ARHGEF38: variants seen among roughly 807,000 people sequenced by gnomAD.
ARHGEF38 encodes Rho guanine nucleotide exchange factor 38.
A neutral mutation model predicts 79.9 loss-of-function variants in ARHGEF38; 79 were observed. The ratio of observed to expected loss-of-function variants is 0.99; its 90% CI spans 0.82 to 1.19. The LOEUF (loss-of-function observed/expected upper bound fraction) is 1.19. ARHGEF38 is among the 50% of genes most tolerant of loss of function. The probability of loss-of-function intolerance (pLI) is 0.00; values close to 1 mark genes in which losing one functional copy is unlikely to be tolerated. For synonymous variants in ARHGEF38, 366 were observed against 328.3 expected, an observed-to-expected ratio of 1.11 and a Z score of -1.24; for missense variants, 962 against 907.2, an observed-to-expected ratio of 1.06 and a Z score of -0.78.
chr4:105,672,361 G>C (rs966237100), intron 13 of ARHGEF38, among the ~76,000 whole-genome samples: 1 of 152,128 alleles, frequency 6.6e-6, no homozygotes, highest in South Asian at 2.1e-4. Flanking sequence ...CTACAAAAAA[G>C]TTCCCCCAAA....
At chr4:105,561,340 T>C (rs993062329) in intron 1 of ARHGEF38, among the ~76,000 whole-genome samples, 2 of 151,678 alleles carry the variant, frequency 1.3e-5, no homozygotes, top group Admixed American at 1.3e-4. Flanking sequence ...AGGCAGAAGT[T>C]ACAGTAAGCT....
intron 7 of ARHGEF38, among the ~76,000 whole-genome samples, chr4:105,653,385 TGATCTTGG>T (rs568604232): frequency 4.2e-4 from 64 of 151,612 alleles, no homozygotes; most frequent in African/African-American, 1.5e-3. Context: ...TGCAATGGCA[TGATCTTGG>T]CTCACTGCAC....
At chr4:105,594,294 G>C (rs76339539) in intron 2 of ARHGEF38, among the ~76,000 whole-genome samples, 1 of 152,106 alleles carries the variant, frequency 6.6e-6, no homozygotes, top group East Asian at 1.9e-4. Flanking sequence ...TTCAATGTTC[G>C]TTAGTTCTTT....
At chr4:105,593,086 G>A (rs1256784323) in intron 2 of ARHGEF38, among the ~76,000 whole-genome samples, 1 of 151,896 alleles carries the variant, frequency 6.6e-6, no homozygotes, top group African/African-American at 2.4e-5. Flanking sequence ...TGTTTTCCTC[G>A]ATCCTAAAGG....
chr4:105,639,741 A>G (rs1578337188), intron 5 of ARHGEF38, among the ~76,000 whole-genome samples: 1 of 152,162 alleles, frequency 6.6e-6, no homozygotes, highest in South Asian at 2.1e-4. Flanking sequence ...TTGTCCATAA[A>G]TGTATCAATA....
At chr4:105,557,243 A>C (rs994794129) in intron 1 of ARHGEF38, among the ~76,000 whole-genome samples, 4 of 152,126 alleles carry the variant, frequency 2.6e-5, no homozygotes, top group Non-Finnish European at 4.4e-5. Flanking sequence ...ATATATATAT[A>C]TCTCCAGTAT....
At chr4:105,624,975 G>C (rs1469041621) in intron 3 of ARHGEF38, among the ~76,000 whole-genome samples, 1 of 152,146 alleles carries the variant, frequency 6.6e-6, no homozygotes, top group Non-Finnish European at 1.5e-5. Context: ...TCTACCCTCT[G>C]TTCATCACAC....
At position 105,587,580 on chromosome 4, in the gene ARHGEF38, C is replaced by G. The variant is rs552410935; in HGVS notation, c.197-1668C>G. Among the ~76,000 whole-genome samples the G allele has an allele frequency of 4.6e-5, 7 of 152,298 alleles. No homozygotes were observed. The South Asian group carries it at 1.4e-3, about 32-fold the overall frequency. On this transcript the variant is annotated intron_variant, in intron 1 of 13. Coordinates refer to ENST00000420470, the MANE Select transcript of ARHGEF38 (RefSeq NM_001242729.2). ...GGTTCATGACATTCTCCTGCCTCAG[C>G]CTTCAAAGTAGCTGGGACTACAGGA...
At chr4:105,669,673 A>C (rs13131093) in intron 13 of ARHGEF38, among the ~76,000 whole-genome samples, 4,708 of 151,914 alleles carry the variant, frequency 0.031, 113 homozygotes, top group Middle Eastern at 0.075. Flanking sequence ...CATGACTTTT[A>C]GTATATATTA....
intron 2 of ARHGEF38, among the ~76,000 whole-genome samples, chr4:105,608,315 A>T (rs1437716945): frequency 6.6e-6 from 1 of 152,000 alleles, no homozygotes; most frequent in Non-Finnish European, 1.5e-5. Flanking sequence ...GTCTGATGAT[A>T]GTGATATTGA....
Position 105,630,958 on chromosome 4 carries a change from A to G in ARHGEF38, c.569A>G (p.His190Arg). ...LEDIYKIYCYHHDEAHSILES... is the reference protein window; with the variant it reads ...LEDIYKIYCYRHDEAHSILES... Reference sequence around the variant, plus strand: ...GATATTTATAAAATCTACTGCTATCACCATGATGAAGCACATAGTATACTG... The same window carrying G: ...GATATTTATAAAATCTACTGCTATCGCCATGATGAAGCACATAGTATACTG... Residue 190 changes from histidine (H) to arginine (R), a missense_variant, in exon 4 of 14, where the codon CAC becomes CGC. Physicochemically the swap from His to Arg is conservative, Grantham distance 29. Transcript: ENST00000420470. 2 of 1,613,652 alleles carry G rather than the reference A, an allele frequency of 1.2e-6. No homozygotes were observed. Among genetic ancestry groups the G allele is most frequent in the Non-Finnish European group, 1.7e-6 (2 of 1,179,794 alleles).
intron 1 of ARHGEF38, among the ~76,000 whole-genome samples, chr4:105,580,663 G>A (rs1390950801): frequency 6.6e-6 from 1 of 152,160 alleles, no homozygotes; most frequent in Non-Finnish European, 1.5e-5. Context: ...CAGAGTATGT[G>A]CCGTGTGGCA....
chr4:105,679,521 A>C lies in ARHGEF38; in HGVS notation c.*1584A>C. 1 of 1,365,538 alleles carries C rather than the reference A, an allele frequency of 7.3e-7. No individual in the cohort carries two copies. The highest frequency in any genetic ancestry group is 1.0e-6 in the Non-Finnish European group (1 of 956,118). 84.6% of individuals were successfully genotyped at this position (1,365,538 alleles called of 1,614,324 possible). A position where few individuals can be genotyped will look rare whatever the true frequency, so the allele number is the denominator to read the frequency against. ...TAAAGATCATGGTTCAAAGCTTGAT[A>C]CACCAGAAATGTGGGCTAAAGCTGC... On this transcript the variant is annotated 3_prime_UTR_variant, in exon 14 of 14. Transcript: ENST00000420470.
chr4:105,665,984 T>G (rs1313618269), intron 10 of ARHGEF38, among the ~76,000 whole-genome samples, 193 bp from the exon 11 acceptor site: 1 of 152,178 alleles, frequency 6.6e-6, no homozygotes, highest in African/African-American at 2.4e-5. Flanking sequence ...AAAAAAAAAT[T>G]CCTATCATGT....
intron 1 of ARHGEF38, among the ~76,000 whole-genome samples, chr4:105,553,474 A>G (rs886783883): frequency 3.3e-5 from 5 of 152,226 alleles, no homozygotes; most frequent in African/African-American, 1.2e-4. Flanking sequence ...GAGACGGTAT[A>G]AAAAGATTTG....
intron 5 of ARHGEF38, among the ~76,000 whole-genome samples, chr4:105,642,200 A>G (rs977696871): frequency 6.6e-6 from 1 of 152,232 alleles, no homozygotes; most frequent in African/African-American, 2.4e-5. Context: ...ATTATCTTAT[A>G]ACACTCCCTC....
intron 1 of ARHGEF38, among the ~76,000 whole-genome samples, chr4:105,563,670 T>A (rs1337936891): frequency 3.3e-3 from 1 of 300 alleles, no homozygotes; most frequent in African/African-American, 0.029. Flanking sequence ...CTAACCTTAG[T>A]TTTTAGTAGT....
intron 2 of ARHGEF38, among the ~76,000 whole-genome samples, chr4:105,600,143 G>C (rs1006615166): frequency 6.6e-6 from 1 of 151,994 alleles, no homozygotes; most frequent in African/African-American, 2.4e-5. Context: ...GCTCTGCGTG[G>C]GTATCAAGAA....
chr4:105,660,805 C>T lies in ARHGEF38; in HGVS notation c.1545+1440C>T, dbSNP rs186163597. On this transcript the variant is annotated intron_variant, in intron 10 of 13. Transcript: ENST00000420470. Reference sequence around the variant, plus strand: ...TGCATGGCTGTATAATAATGTATAACCATTCCCTTTTTTTAAAATAACTTT... The same window carrying T: ...TGCATGGCTGTATAATAATGTATAATCATTCCCTTTTTTTAAAATAACTTT... Among the ~76,000 whole-genome samples, 652 of 152,234 alleles carry T rather than the reference C, an allele frequency of 4.3e-3. 7 individuals are homozygous for T. The highest frequency in any genetic ancestry group is 8.9e-3 in the Admixed American group (136 of 15,280).
Sources: gnomAD v4.1 joint callset for allele counts (sites outside exome capture counted in the v4.1 genomes callset) on GRCh38, gnomAD v4.1.1 for gene constraint, MANE v1.5 for transcripts, NCBI Gene and HGNC (gene_info 2026-07-23, HGNC 2026-07-21) for gene names.